The following SCD5 variants were observed in gnomAD, a reference collection of about 807,000 sequenced individuals.
SCD5 encodes the protein stearoyl-CoA desaturase 5.
SCD5 carries 20 observed loss-of-function variants against 30.4 expected under a neutral mutation model. The ratio of observed to expected loss-of-function variants is 0.66; its 90% confidence interval spans 0.46 to 0.96. The LOEUF is 0.96. Among genes scored for constraint, SCD5 ranks in the 40% least tolerant of loss-of-function variants. The pLI, the probability that SCD5 is intolerant of heterozygous loss-of-function variation, is 0.00. For missense variants in SCD5, 381 were observed against 443.3 expected, an observed-to-expected ratio of 0.86 and a Z score of 1.26; for synonymous variants, 173 against 176.4, an observed-to-expected ratio of 0.98 and a Z score of 0.16.
At chr4:82,760,418 G>A (rs1231696839) in intron 1 of SCD5, among the ~76,000 whole-genome samples, 1 of 151,998 alleles carries the variant, frequency 6.6e-6, no homozygotes, top group Non-Finnish European at 1.5e-5. Flanking sequence ...TTGTCTTGAG[G>A]CGAAATCTCT....
At chr4:82,792,470 G>A (rs1322362035) in intron 1 of SCD5, among the ~76,000 whole-genome samples, 1 of 152,148 alleles carries the variant, frequency 6.6e-6, no homozygotes, top group Non-Finnish European at 1.5e-5. Context: ...AGCACTTTGG[G>A]AGGCCAAGGC....
In SCD5 at chr4:82,679,463, C is replaced by A. The variant is rs539858649; in HGVS notation, c.569+1244G>T. Among the ~76,000 whole-genome samples, 13 of 152,226 alleles carry A rather than the reference C, an allele frequency of 8.5e-5. No homozygotes were observed. In the South Asian group the frequency reaches 1.0e-3, roughly 12 times the overall value. ...AAAGCAGTGATGGAAACAGAGAATTCTCTAGTCTATCAACTGCCTGTGTAA... is the reference window on the plus strand; with the variant it reads ...AAAGCAGTGATGGAAACAGAGAATTATCTAGTCTATCAACTGCCTGTGTAA... On this transcript the variant is annotated intron_variant, in intron 3 of 4. Transcript: ENST00000319540.
chr4:82,737,254 G>T (rs1302931126), intron 1 of SCD5, among the ~76,000 whole-genome samples: 1 of 152,144 alleles, frequency 6.6e-6, no homozygotes, highest in African/African-American at 2.4e-5. Context: ...TTACTAAGGA[G>T]GCTGAGTCCT....
At chr4:82,688,705 G>A (rs1295015842) in intron 2 of SCD5, among the ~76,000 whole-genome samples, 2 of 152,056 alleles carry the variant, frequency 1.3e-5, no homozygotes, top group Non-Finnish European at 2.9e-5. Flanking sequence ...GGTCTACATA[G>A]GTCTTAGAGG....
chr4:82,665,641 AAACAAAAGCTG>A (rs1242735867), intron 3 of SCD5, among the ~76,000 whole-genome samples: 1 of 152,180 alleles, frequency 6.6e-6, no homozygotes, highest in Non-Finnish European at 1.5e-5. Flanking sequence ...ACCTTCAGAC[AAACAAAAGCTG>A]AGAATTTATT....
chr4:82,735,192 T>G (rs1284892686), intron 1 of SCD5, among the ~76,000 whole-genome samples: 1 of 152,232 alleles, frequency 6.6e-6, no homozygotes, highest in Non-Finnish European at 1.5e-5. Context: ...GAGGCCACTG[T>G]CTGTGCGGTT....
At chr4:82,684,433 G>T (rs560459625) in intron 2 of SCD5, among the ~76,000 whole-genome samples, 2 of 152,302 alleles carry the variant, frequency 1.3e-5, no homozygotes, top group African/African-American at 4.8e-5. Flanking sequence ...CAATAGAGCA[G>T]AAAGGGAGCA....
rs756366132 is a variant in SCD5 at position 82,680,914 on chromosome 4, T to A, written c.364-2A>T. ...CCTGGACCACTCGAAGATGTCATTC[T>A]GCAGAGAGAATGAGAGCCTGAGTGA... On this transcript the variant is annotated splice_acceptor_variant, in intron 2 of 4. Coordinates refer to ENST00000319540, the MANE Select transcript of SCD5 (RefSeq NM_001037582.3). LOFTEE classifies it high-confidence loss of function. 6.2e-7 allele frequency: 1 copy of A among 1,610,986 alleles called. No individual in the cohort carries two copies. Among genetic ancestry groups the A allele is most frequent in the Non-Finnish European group, 8.5e-7 (1 of 1,179,756 alleles).
At chr4:82,730,585 CT>C (rs397935360) in intron 1 of SCD5, among the ~76,000 whole-genome samples, 5,997 of 114,582 alleles carry the variant, frequency 0.052, 161 homozygotes, top group Non-Finnish European at 0.062. Context: ...TTTTTCCCTT[CT>C]TTTTTTTTTT....
At chr4:82,786,398 T>C (rs544317079) in intron 1 of SCD5, among the ~76,000 whole-genome samples, 2 of 152,334 alleles carry the variant, frequency 1.3e-5, no homozygotes, top group Admixed American at 6.5e-5. Flanking sequence ...CTTGATAGAA[T>C]AGGTAGTGAT....
chr4:82,725,782 C>T (rs1474947476), intron 1 of SCD5, among the ~76,000 whole-genome samples: 1 of 152,066 alleles, frequency 6.6e-6, no homozygotes, highest in East Asian at 1.9e-4. Flanking sequence ...ATCACTTAAA[C>T]CTGGGAGGCA....
intron 1 of SCD5, among the ~76,000 whole-genome samples, chr4:82,785,091 T>C (rs544131130): frequency 1.4e-4 from 21 of 152,296 alleles, no homozygotes; most frequent in African/African-American, 5.1e-4. Context: ...ATCTCATCTA[T>C]ACTCACAGGG....
chr4:82,755,833 T>G lies in SCD5; in HGVS notation c.232+42473A>C, dbSNP rs560025981. On this transcript the variant is annotated intron_variant, in intron 1 of 4. Coordinates refer to ENST00000319540, the MANE Select transcript of SCD5 (RefSeq NM_001037582.3). ...TGATACCATGTTGAATTTAATTTTATGCCTGAAACACTAAAGGCTGGCACG... is the reference window on the plus strand; with the variant it reads ...TGATACCATGTTGAATTTAATTTTAGGCCTGAAACACTAAAGGCTGGCACG... 6.6e-5 allele frequency among the ~76,000 whole-genome samples: 10 copies of G among 152,340 alleles called. 2 individuals are homozygous for G. The South Asian group carries it at 1.9e-3, about 28-fold the overall frequency.
At chr4:82,673,639 A>G (rs1728374164) in intron 3 of SCD5, among the ~76,000 whole-genome samples, 1 of 152,204 alleles carries the variant, frequency 6.6e-6, no homozygotes, top group Non-Finnish European at 1.5e-5. Context: ...TATTTTGTAG[A>G]TATTGACAAA....
rs780011012 is a variant in SCD5 at position 82,631,303 on chromosome 4, A to G, written c.*24T>C. 3.1e-6 allele frequency: 5 copies of G among 1,604,418 alleles called. No individual in the cohort carries two copies. Reference sequence around the variant, plus strand: ...CCATGAACCGAGGTTGCAACGGCAGACATGTGGGATGGCTGTTCCAAGTTC... The same window carrying G: ...CCATGAACCGAGGTTGCAACGGCAGGCATGTGGGATGGCTGTTCCAAGTTC... On this transcript the variant is annotated 3_prime_UTR_variant, in exon 5 of 5. Transcript: ENST00000319540.
chr4:82,662,454 A>G (rs1226293750), intron 3 of SCD5, among the ~76,000 whole-genome samples: 1 of 152,308 alleles, frequency 6.6e-6, no homozygotes, highest in Non-Finnish European at 1.5e-5. Flanking sequence ...CAAGAGTTCT[A>G]TGTATTATTT....
chr4:82,714,307 C>G (rs966408104), intron 1 of SCD5, among the ~76,000 whole-genome samples: 8 of 152,198 alleles, frequency 5.3e-5, no homozygotes, highest in Non-Finnish European at 1.0e-4. Context: ...CTCTCTTAAA[C>G]CCACTCAATC....
intron 3 of SCD5, among the ~76,000 whole-genome samples, chr4:82,672,587 A>G (rs1728351655): frequency 6.6e-6 from 1 of 152,118 alleles, no homozygotes; most frequent in African/African-American, 2.4e-5. Context: ...AGATGGTTCT[A>G]TTTTGGTGAA....
At chr4:82,754,644 C>T (rs1006896863) in intron 1 of SCD5, among the ~76,000 whole-genome samples, 18 of 152,304 alleles carry the variant, frequency 1.2e-4, no homozygotes, top group Non-Finnish European at 2.4e-4. Flanking sequence ...CCAAGGGAGA[C>T]GATCTCAGCT....
Sources: allele counts gnomAD v4.1 joint callset (sites outside exome capture counted in the v4.1 genomes callset), GRCh38; gene constraint gnomAD v4.1.1; transcripts MANE v1.5; gene names NCBI Gene and HGNC (gene_info 2026-07-23, HGNC 2026-07-21).